Variants in GUCD1 observed in about 807,000 individuals in gnomAD.
GUCD1 encodes guanylyl cyclase domain containing 1.
In GUCD1, 17 loss-of-function variants were observed where a neutral mutation model predicts 28.3. That is an observed-to-expected ratio of 0.60 (90% CI 0.41 to 0.90). The LOEUF (loss-of-function observed/expected upper bound fraction) is 0.90. Ranked by LOEUF, GUCD1 falls within the 40% of genes least tolerant of loss-of-function variation. The pLI is 0.00. For missense variants in GUCD1, 279 were observed against 305.5 expected (o/e 0.91, Z 0.65); for synonymous variants, 129 against 123.3 (o/e 1.05, Z -0.30).
At chr22:24,554,846 G>T in intron 1 of GUCD1, 103 bp downstream of exon 1, 1 of 856,538 alleles carries the variant, frequency 1.2e-6, no homozygotes, top group Non-Finnish European at 1.9e-6. Flanking sequence ...GTGGGGGCGA[G>T]GCGGGAGTCG....
chr22:24,555,162 G>A, upstream of GUCD1: 2 of 1,295,118 alleles, frequency 1.5e-6, no homozygotes, highest in Non-Finnish European at 2.0e-6. Flanking sequence ...CGCCGCCCCA[G>A]CCCTTCCAGG....
intron 5 of GUCD1, 138 bp from the exon 6 acceptor site, chr22:24,543,235 C>T (rs774445324): frequency 1.7e-4 from 108 of 651,078 alleles, no homozygotes; most frequent in Non-Finnish European, 2.6e-4. Flanking sequence ...AGTCCTCCAC[C>T]CCCAGGAAGC....
At chr22:24,554,813 C>T (rs2044990682) in intron 1 of GUCD1, 136 bp downstream of exon 1, 3 of 657,820 alleles carry the variant, frequency 4.6e-6, no homozygotes, top group African/African-American at 1.9e-5. Flanking sequence ...CAGGAAACCC[C>T]CACTGACTGG....
intron 1 of GUCD1, among the ~76,000 whole-genome samples, chr22:24,551,466 G>A (rs1017849013): frequency 3.3e-5 from 5 of 152,150 alleles, no homozygotes; most frequent in African/African-American, 1.2e-4. Context: ...CCTTACCGGG[G>A]CCCTGCCTAA....
At position 24,542,734 on chromosome 22, in the gene GUCD1, T is replaced by C; in HGVS notation, c.*272A>G. ...ACAAGGGCACTGTCGGGACTGGACT[T>C]CCTGTGGGCGCAGCTGGAGTCAAGG... On this transcript the variant is annotated 3_prime_UTR_variant, in exon 6 of 6. Coordinates refer to ENST00000435822, the MANE Select transcript of GUCD1 (RefSeq NM_001284254.2). The C allele has an allele frequency of 2.3e-6, 1 of 430,864 alleles. No individual in the cohort carries two copies. The highest frequency in any genetic ancestry group is 2.3e-5 in the South Asian group (1 of 43,634). The allele number at this position is 430,864 out of a possible 1,614,324, so 26.7% of individuals were successfully genotyped here.
At chr22:24,551,393 A>G (rs1203601771) in intron 1 of GUCD1, among the ~76,000 whole-genome samples, 1 of 152,078 alleles carries the variant, frequency 6.6e-6, no homozygotes, top group South Asian at 2.1e-4. Context: ...TCCCACCTCT[A>G]CATACAGCAG....
upstream of GUCD1, chr22:24,555,377 C>T (rs971080846): frequency 1.1e-5 from 14 of 1,318,890 alleles, no homozygotes; most frequent in African/African-American, 1.9e-4. Context: ...TGAGCCCCGC[C>T]CCAAAGCTCG....
Position 24,544,087 on chromosome 22 carries a change from T to C in GUCD1, c.387-4A>G, listed in dbSNP as rs762231766. 3.6e-5 allele frequency: 57 copies of C among 1,597,800 alleles called. No homozygotes were observed. The highest frequency in any genetic ancestry group is 1.7e-4 in the Middle Eastern group (1 of 6,056). Reference sequence around the variant, plus strand: ...GATGTCCTTCACACTCACTGTGCTGTGGGCGGGAGGGGGGTCAGCTGGTGC... The same window carrying C: ...GATGTCCTTCACACTCACTGTGCTGCGGGCGGGAGGGGGGTCAGCTGGTGC... On this transcript the variant is annotated splice_polypyrimidine_tract_variant and splice_region_variant and intron_variant, in intron 4 of 5. Transcript: ENST00000435822.
upstream of GUCD1, chr22:24,555,504 A>G (rs1045479635): frequency 7.6e-7 from 1 of 1,318,792 alleles, no homozygotes; most frequent in Non-Finnish European, 1.0e-6. Context: ...CGAGGCCCCA[A>G]GCAACTCTCC....
At chr22:24,544,360 C>T (rs545029213) in intron 4 of GUCD1, among the ~76,000 whole-genome samples, 9 of 152,106 alleles carry the variant, frequency 5.9e-5, no homozygotes, top group Admixed American at 3.9e-4. Context: ...CAGGTGGGTC[C>T]AGTCAAGGGC....
rs141530050 is a variant in GUCD1 at position 24,543,908 on chromosome 22, T to C, written c.562A>G (p.Ile188Val). The C allele has an allele frequency of 2.1e-4, 332 of 1,613,862 alleles. No homozygotes were observed. The highest frequency in any genetic ancestry group is 2.7e-4 in the Non-Finnish European group (317 of 1,179,952). ...GCCCGGTTGTAGCCACGCAGCACGATGAAGTGGCCCTGGTAGTCAGGAGTG... is the reference window on the plus strand; with the variant it reads ...GCCCGGTTGTAGCCACGCAGCACGACGAAGTGGCCCTGGTAGTCAGGAGTG... ...CRTPDYQGHFIVLRGYNRATG... is the reference protein window; with the variant it reads ...CRTPDYQGHFVVLRGYNRATG... Residue 188 changes from isoleucine (I) to valine (V), a missense_variant, in exon 5 of 6, where the codon ATC (isoleucine) becomes GTC (valine). By Grantham distance (29) the Ile-to-Val change is conservative. Coordinates refer to ENST00000435822, the MANE Select transcript of GUCD1 (RefSeq NM_001284254.2).
chr22:24,555,883 A>C (rs1391199679), upstream of GUCD1: 2 of 1,511,714 alleles, frequency 1.3e-6, no homozygotes, highest in Non-Finnish European at 1.8e-6. Flanking sequence ...CCCAGCCGGC[A>C]GGCGGAGTGA....
In GUCD1 at chr22:24,543,026, A is replaced by G; in HGVS notation, c.700T>C (p.Phe234Leu). The stretch of plus-strand genomic sequence containing the variant: ...TGCTGTCAGCTGTCCAAGTAGACAA[A>G]GAGGATGTCCTCATCTGTGCCATAG... ...TSYGTDEDILFVYLDS is the reference protein window; with the variant it reads ...TSYGTDEDILLVYLDS The change falls in exon 6 of 6, where the codon TTT (phenylalanine) becomes CTT (leucine). Residue 234 changes from phenylalanine (F) to leucine (L), a missense_variant. By Grantham distance (22) the Phe-to-Leu change is conservative. Transcript: ENST00000435822. 1 of 1,613,638 alleles carries G rather than the reference A, an allele frequency of 6.2e-7. No homozygotes were observed. The highest frequency in any genetic ancestry group is 8.5e-7 in the Non-Finnish European group (1 of 1,179,564).
upstream of GUCD1, chr22:24,555,219 T>G (rs2045019602): frequency 1.3e-6 from 1 of 776,922 alleles, no homozygotes. Flanking sequence ...CGCCCCAAAC[T>G]TTGATCTTAG....
At chr22:24,552,246 G>A (rs1040597564) in intron 1 of GUCD1, among the ~76,000 whole-genome samples, 1 of 152,162 alleles carries the variant, frequency 6.6e-6, no homozygotes, top group Admixed American at 6.5e-5. Context: ...AAGGCAAGAG[G>A]AGCCAAGGAG....
At chr22:24,543,792 G>C in intron 5 of GUCD1, 50 bp downstream of exon 5, 2 of 1,598,010 alleles carry the variant, frequency 1.3e-6, no homozygotes, top group Non-Finnish European at 8.5e-7. Flanking sequence ...TGGGCATACA[G>C]AACAGTGAAT....
chr22:24,542,487 T>A lies in GUCD1; in HGVS notation c.*519A>T, dbSNP rs1004134. ...AAACTTGGGCCCATGGGTAGGCAGG[T>A]GGTGGTGGTATCATCAACCACTGGG... On this transcript the variant is annotated 3_prime_UTR_variant, in exon 6 of 6. Coordinates refer to ENST00000435822, the MANE Select transcript of GUCD1 (RefSeq NM_001284254.2). The A allele has an allele frequency of 0.23, 34,982 of 153,052 alleles. 4,869 individuals are homozygous for A. Among genetic ancestry groups the A allele is most frequent in the African/African-American group, 0.39 (16,257 of 41,320 alleles). The allele number at this position is 153,052 out of a possible 1,614,324, so 9.5% of individuals were successfully genotyped here.
chr22:24,543,152 C>T, intron 5 of GUCD1, 55 bp from the exon 6 acceptor site: 4 of 1,238,492 alleles, frequency 3.2e-6, no homozygotes, highest in Non-Finnish European at 4.8e-6. Flanking sequence ...AGAGCACCTA[C>T]ACCACCGACA....
chr22:24,555,154 C>G, upstream of GUCD1: 2 of 1,305,452 alleles, frequency 1.5e-6, no homozygotes. Context: ...GCCCCAAGCG[C>G]CGCCCCAGCC....
Sources: allele counts gnomAD v4.1 joint callset (sites outside exome capture counted in the v4.1 genomes callset), GRCh38; gene constraint gnomAD v4.1.1; transcripts MANE v1.5; gene names NCBI Gene and HGNC (gene_info 2026-07-23, HGNC 2026-07-21).